The following SLC24A3 variants were observed in gnomAD, a reference collection of about 807,000 sequenced individuals.
The protein encoded by SLC24A3 is sodium/potassium/calcium exchanger 3.
SLC24A3 carries 28 observed loss-of-function variants against 75.8 expected under a neutral mutation model. The observed-to-expected ratio is 0.37, with a 90% CI of 0.27 to 0.51. The LOEUF (loss-of-function observed/expected upper bound fraction) is 0.51. Ranked by LOEUF, SLC24A3 falls within the 20% of genes least tolerant of loss-of-function variation. The pLI is 0.94. For synonymous variants in SLC24A3, 372 were observed against 334.1 expected, an observed-to-expected ratio of 1.11 and a Z score of -1.24; for missense variants, 663 against 847.8, an observed-to-expected ratio of 0.78 and a Z score of 2.71.
chr20:19,402,876 G>A (rs914460746), intron 2 of SLC24A3, among the ~76,000 whole-genome samples: 2 of 152,232 alleles, frequency 1.3e-5, no homozygotes, highest in Non-Finnish European at 2.9e-5. Context: ...GGTGGGCATG[G>A]TCTGCCCCAG....
intron 3 of SLC24A3, among the ~76,000 whole-genome samples, chr20:19,519,562 A>C (rs2030063670): frequency 1.3e-5 from 2 of 152,352 alleles, no homozygotes; most frequent in East Asian, 3.9e-4. Context: ...GGGGAAATCC[A>C]TGATCTTGAC....
intron 3 of SLC24A3, among the ~76,000 whole-genome samples, chr20:19,571,747 C>T (rs752056639): frequency 7.2e-5 from 11 of 152,304 alleles, no homozygotes; most frequent in South Asian, 4.1e-4. Flanking sequence ...CTGGTAATGG[C>T]TCCCAAAGAC....
chr20:19,704,380 C>T (rs976220199), intron 15 of SLC24A3, among the ~76,000 whole-genome samples: 2 of 152,176 alleles, frequency 1.3e-5, no homozygotes, highest in East Asian at 1.9e-4. Flanking sequence ...ATCCTTCCAA[C>T]GCCTATGTAA....
At chr20:19,309,863 A>G (rs1984414275) in intron 2 of SLC24A3, among the ~76,000 whole-genome samples, 1 of 152,078 alleles carries the variant, frequency 6.6e-6, no homozygotes, top group Non-Finnish European at 1.5e-5. Flanking sequence ...ACCCTGGGAG[A>G]GCTGGGCTTC....
rs56969781 is a variant in SLC24A3, at chr20:19,326,583, T to C, written c.271+45496T>C. ...TTTTTCTTTCTTTTCTTTTCTTTTT[T>C]TTTTTTTTTCTTGAGATAGTGTCTC... On this transcript the variant is annotated intron_variant, in intron 2 of 16. Transcript: ENST00000328041. 2.5e-3 allele frequency among the ~76,000 whole-genome samples: 376 copies of C among 151,080 alleles called. 3 individuals are homozygous for C. Among genetic ancestry groups the C allele is most frequent in the African/African-American group, 8.9e-3 (369 of 41,292 alleles).
At position 19,244,949 on chromosome 20, in the gene SLC24A3, C is replaced by T. The variant is rs139643486; in HGVS notation, c.142+31965C>T. ...CCCATCTCAGTAAACAAGAAATGTC[C>T]GTTTTAATGACTGCACAAGGACAGA... On this transcript the variant is annotated intron_variant, in intron 1 of 16. Coordinates refer to ENST00000328041, the MANE Select transcript of SLC24A3 (RefSeq NM_020689.4). Among the ~76,000 whole-genome samples the T allele has an allele frequency of 4.6e-5, 7 of 152,212 alleles. No homozygotes were observed. In the South Asian group the frequency reaches 1.0e-3, roughly 23 times the overall value.
intron 1 of SLC24A3, among the ~76,000 whole-genome samples, chr20:19,243,423 C>A (rs1487523621): frequency 6.6e-6 from 1 of 152,170 alleles, no homozygotes. Flanking sequence ...TTTCTTCATG[C>A]GTTATTTTTG....
At chr20:19,572,197 A>C (rs938514172) in intron 3 of SLC24A3, among the ~76,000 whole-genome samples, 1 of 152,146 alleles carries the variant, frequency 6.6e-6, no homozygotes, top group Non-Finnish European at 1.5e-5. Flanking sequence ...ACGTAAAAAA[A>C]CTAGCAAGGC....
chr20:19,615,505 G>A (rs759340347), intron 6 of SLC24A3, among the ~76,000 whole-genome samples: 68 of 152,202 alleles, frequency 4.5e-4, no homozygotes, highest in African/African-American at 1.4e-3. Flanking sequence ...CATATCACAC[G>A]GCCAGAGCAG....
intron 2 of SLC24A3, among the ~76,000 whole-genome samples, chr20:19,340,279 A>G (rs1985240446): frequency 6.6e-6 from 1 of 152,174 alleles, no homozygotes; most frequent in South Asian, 2.1e-4. Flanking sequence ...ATGTGAAGAT[A>G]AAGGCAGTTG....
intron 2 of SLC24A3, among the ~76,000 whole-genome samples, chr20:19,437,765 C>G (rs972471584): frequency 6.6e-6 from 1 of 152,128 alleles, no homozygotes; most frequent in Non-Finnish European, 1.5e-5. Context: ...GCTAGGGGTG[C>G]CAGGGAGCTC....
chr20:19,262,595 T>C (rs979534137), intron 1 of SLC24A3, among the ~76,000 whole-genome samples: 1 of 151,982 alleles, frequency 6.6e-6, no homozygotes, highest in African/African-American at 2.4e-5. Context: ...ATTCCCCCAA[T>C]TGTGCTACAA....
chr20:19,500,264 T>C (rs1382026985), intron 2 of SLC24A3, among the ~76,000 whole-genome samples: 1 of 152,142 alleles, frequency 6.6e-6, no homozygotes, highest in Non-Finnish European at 1.5e-5. Context: ...AATGCCACTC[T>C]CTCCAGTCCC....
At chr20:19,320,598 C>T (rs1191966411) in intron 2 of SLC24A3, among the ~76,000 whole-genome samples, 5 of 152,040 alleles carry the variant, frequency 3.3e-5, no homozygotes, top group Middle Eastern at 3.2e-3. Context: ...TGTTACATTA[C>T]GTTACACATA....
chr20:19,244,447 G>A (rs1982426064), intron 1 of SLC24A3, among the ~76,000 whole-genome samples: 1 of 152,144 alleles, frequency 6.6e-6, no homozygotes, highest in Admixed American at 6.5e-5. Flanking sequence ...GAAGAGACAT[G>A]ACATACATCA....
At chr20:19,691,633 G>T (rs1292946481) in intron 12 of SLC24A3, among the ~76,000 whole-genome samples, 1 of 152,150 alleles carries the variant, frequency 6.6e-6, no homozygotes. Context: ...TGGTGAACCT[G>T]GCCCCAGCGG....
chr20:19,593,566 G>A (rs904988202), intron 6 of SLC24A3, among the ~76,000 whole-genome samples: 2 of 152,210 alleles, frequency 1.3e-5, no homozygotes, highest in African/African-American at 4.8e-5. Context: ...GTTGAGAAAA[G>A]AGGAAACCAA....
chr20:19,682,004 A>G lies in SLC24A3; in HGVS notation c.901+13A>G, dbSNP rs1857207716. 6.2e-7 allele frequency: 1 copy of G among 1,613,112 alleles called. No individual in the cohort carries two copies. The highest frequency in any genetic ancestry group is 1.3e-5 in the African/African-American group (1 of 74,906). On this transcript the variant is annotated intron_variant, in intron 10 of 16. Coordinates refer to ENST00000328041, the MANE Select transcript of SLC24A3 (RefSeq NM_020689.4). ...CTACTTAAGAAAGGTAACCAAGGAG[A>G]GCACTTTGGGGTCCAAGGCAGGAGG...
At chr20:19,606,600 T>C (rs555684652) in intron 6 of SLC24A3, among the ~76,000 whole-genome samples, 1 of 152,302 alleles carries the variant, frequency 6.6e-6, no homozygotes, top group African/African-American at 2.4e-5. Context: ...ACCGCTTCTT[T>C]GTGCATAAAT....
Sources: allele counts gnomAD v4.1 joint callset (sites outside exome capture counted in the v4.1 genomes callset), GRCh38; gene constraint gnomAD v4.1.1; transcripts MANE v1.5; gene names NCBI Gene and HGNC (gene_info 2026-07-23, HGNC 2026-07-21).